Variants in MACROD2 observed in about 807,000 individuals in gnomAD.
MACROD2 encodes mono-ADP ribosylhydrolase 2, also known as ADP-ribose glycohydrolase MACROD2.
A neutral mutation model predicts 70.4 loss-of-function variants in MACROD2; 36 were observed. The ratio of observed to expected loss-of-function variants is 0.51; its 90% CI spans 0.39 to 0.68. The LOEUF (loss-of-function observed/expected upper bound fraction) is 0.68. Among genes scored for constraint, MACROD2 ranks in the 30% least tolerant of loss-of-function variants. MACROD2 has a pLI of 0.00. For synonymous variants in MACROD2, 172 were observed against 178.8 expected (o/e 0.96, Z 0.30); for missense variants, 496 against 538.4 (o/e 0.92, Z 0.78).
chr20:14,457,004 T>C (rs1268195081), intron 3 of MACROD2, among the ~76,000 whole-genome samples: 2 of 152,034 alleles, frequency 1.3e-5, no homozygotes, highest in Non-Finnish European at 2.9e-5. Flanking sequence ...ATTTTGCAGC[T>C]ATTATGCTTG....
intron 15 of MACROD2, among the ~76,000 whole-genome samples, chr20:16,039,235 A>G (rs768879160): frequency 6.6e-6 from 1 of 152,018 alleles, no homozygotes; most frequent in African/African-American, 2.4e-5. Context: ...GGTTAGTCTG[A>G]ATCATTACAG....
rs56254441 is a variant in MACROD2 at position 14,938,003 on chromosome 20, G to GTT, written c.418+253062_418+253063dup. Among the ~76,000 whole-genome samples, 156 of 136,042 alleles carry GTT rather than the reference G, an allele frequency of 1.1e-3. 3 individuals carry two copies. The Middle Eastern group carries it at 0.018, about 16-fold the overall frequency. The allele number at this position is 136,042 out of a possible 152,430, so 89.2% of individuals were successfully genotyped here. A position where few individuals can be genotyped will look rare whatever the true frequency, so the allele number is the denominator to read the frequency against. On this transcript the variant is annotated intron_variant, in intron 5 of 17. Coordinates refer to ENST00000684519, the MANE Select transcript of MACROD2 (RefSeq NM_001351661.2). ...CCATCCATGTTGCTGCAGATAACAA[G>GTT]TTTTTTTTTTTTTTTTTTTCATTCT...
chr20:14,816,189 C>T (rs537253694), intron 5 of MACROD2, among the ~76,000 whole-genome samples: 13 of 151,966 alleles, frequency 8.6e-5, no homozygotes, highest in African/African-American at 3.1e-4. Flanking sequence ...TGTTGCGGGG[C>T]AGAGGGAGGA....
At chr20:14,835,508 G>T (rs1035116141) in intron 5 of MACROD2, among the ~76,000 whole-genome samples, 1 of 151,968 alleles carries the variant, frequency 6.6e-6, no homozygotes, top group Admixed American at 6.6e-5. Flanking sequence ...TTCAGTCCTT[G>T]GTCTACTAGA....
At chr20:14,229,013 A>C (rs138056491) in intron 3 of MACROD2, among the ~76,000 whole-genome samples, 2,180 of 152,014 alleles carry the variant, frequency 0.014, 23 homozygotes, top group African/African-American at 0.026. Flanking sequence ...AAAGAAAAGA[A>C]AAAAGACATT....
chr20:14,432,747 G>A (rs535276541), intron 3 of MACROD2, among the ~76,000 whole-genome samples: 22 of 152,032 alleles, frequency 1.4e-4, no homozygotes, highest in African/African-American at 5.3e-4. Flanking sequence ...TGTTCTTCAG[G>A]TATTCCAAAT....
intron 8 of MACROD2, among the ~76,000 whole-genome samples, chr20:15,791,719 C>G (rs1023826656): frequency 6.6e-6 from 1 of 151,784 alleles, no homozygotes; most frequent in African/African-American, 2.4e-5. Flanking sequence ...TTAAAGTTAA[C>G]CAGAAATGTG....
intron 7 of MACROD2, among the ~76,000 whole-genome samples, chr20:15,457,602 A>G (rs2046745847): frequency 6.6e-6 from 1 of 152,176 alleles, no homozygotes; most frequent in South Asian, 2.1e-4. Flanking sequence ...AAGCCAGAAT[A>G]TAACTTGACT....
chr20:15,474,691 T>C (rs765027740), intron 7 of MACROD2, among the ~76,000 whole-genome samples: 2 of 152,138 alleles, frequency 1.3e-5, no homozygotes, highest in Non-Finnish European at 2.9e-5. Flanking sequence ...GGCAACCCCA[T>C]AGGTGCGTGG....
chr20:15,683,348 C>T (rs577881319), intron 8 of MACROD2, among the ~76,000 whole-genome samples: 4 of 152,176 alleles, frequency 2.6e-5, no homozygotes, highest in African/African-American at 9.7e-5. Context: ...TGTTCAATCT[C>T]TCTTTTTTTT....
intron 6 of MACROD2, among the ~76,000 whole-genome samples, chr20:15,286,154 G>T (rs757037168): frequency 6.6e-6 from 1 of 152,136 alleles, no homozygotes. Flanking sequence ...TGAGGAAGGC[G>T]AAGAAGAGAA....
chr20:14,946,363 A>G (rs2074432174), intron 5 of MACROD2, among the ~76,000 whole-genome samples: 2 of 152,178 alleles, frequency 1.3e-5, no homozygotes, highest in Admixed American at 6.5e-5. Context: ...CTAAATACCA[A>G]TAATATATGG....
intron 4 of MACROD2, among the ~76,000 whole-genome samples, chr20:14,615,892 G>A (rs1009322034): frequency 1.3e-5 from 2 of 151,330 alleles, no homozygotes; most frequent in African/African-American, 4.9e-5. Flanking sequence ...ATGTACGTGG[G>A]ACAGGTATGA....
intron 8 of MACROD2, among the ~76,000 whole-genome samples, chr20:15,590,067 C>T (rs1173489871): frequency 1.3e-5 from 2 of 152,054 alleles, no homozygotes; most frequent in African/African-American, 4.8e-5. Context: ...CAGAAGTAGC[C>T]TTAAATACAT....
intron 6 of MACROD2, among the ~76,000 whole-genome samples, chr20:15,422,031 C>T (rs1383688928): frequency 6.6e-6 from 1 of 151,974 alleles, no homozygotes. Flanking sequence ...GGTCAGTGGC[C>T]CTGGAGTAGA....
At chr20:15,692,089 A>G (rs151075224) in intron 8 of MACROD2, among the ~76,000 whole-genome samples, 1 of 152,148 alleles carries the variant, frequency 6.6e-6, no homozygotes, top group African/African-American at 2.4e-5. Flanking sequence ...TGATTATTCT[A>G]GTTCCTGTGA....
intron 6 of MACROD2, among the ~76,000 whole-genome samples, chr20:15,248,208 C>G (rs1193571084): frequency 1.3e-5 from 2 of 152,182 alleles, no homozygotes; most frequent in East Asian, 3.9e-4. Context: ...CAGGGCATGT[C>G]TTTTCCAAAC....
intron 5 of MACROD2, among the ~76,000 whole-genome samples, chr20:14,801,745 A>G (rs1041176923): frequency 6.6e-6 from 1 of 151,990 alleles, no homozygotes; most frequent in Non-Finnish European, 1.5e-5. Context: ...GAACTTGATG[A>G]TCTCTAATAG....
intron 4 of MACROD2, among the ~76,000 whole-genome samples, chr20:14,500,556 C>T (rs900082903): frequency 2.0e-5 from 3 of 152,150 alleles, no homozygotes; most frequent in South Asian, 4.1e-4. Flanking sequence ...AGATGCTCTT[C>T]GTGGTAGAGG....
Sources: allele counts gnomAD v4.1 joint callset (sites outside exome capture counted in the v4.1 genomes callset), GRCh38; gene constraint gnomAD v4.1.1; transcripts MANE v1.5; gene names NCBI Gene and HGNC (gene_info 2026-07-23, HGNC 2026-07-21).